UGT2B4: variants seen among roughly 807,000 people sequenced by gnomAD.
UGT2B4 encodes UDP glucuronosyltransferase family 2 member B4, also known as UDP-glucuronosyltransferase 2B4.
Under a neutral mutation model 49.8 loss-of-function variants are expected in UGT2B4, and 49 were observed. The observed-to-expected ratio is 0.98, with a 90% CI of 0.78 to 1.25. UGT2B4 has a LOEUF of 1.25. Ranked by LOEUF, UGT2B4 falls within the 50% of genes most tolerant of loss-of-function variation. The probability of loss-of-function intolerance (pLI) is 0.00; values close to 1 mark genes in which losing one functional copy is unlikely to be tolerated. For missense variants in UGT2B4, 729 were observed against 627.7 expected (o/e 1.16, Z -1.73); for synonymous variants, 246 against 217.7 (o/e 1.13, Z -1.14).
chr4:69,511,666 G>A (rs1728606912), intron 1 of UGT2B4, among the ~76,000 whole-genome samples: 2 of 152,036 alleles, frequency 1.3e-5, no homozygotes. Flanking sequence ...TTTGTTATCA[G>A]TATAATGCTG....
chr4:69,485,523 A>C (rs1177423928), intron 4 of UGT2B4, 96 bp from the exon 5 acceptor site: 1 of 1,510,660 alleles, frequency 6.6e-7, no homozygotes, highest in Non-Finnish European at 9.1e-7. Context: ...CCTAGATAAC[A>C]CACTGAACTG....
At position 69,491,776 on chromosome 4, in the gene UGT2B4, T is replaced by C. The variant is rs1376054257; in HGVS notation, c.870+1917A>G. On this transcript the variant is annotated intron_variant, in intron 2 of 5. Coordinates refer to ENST00000305107, the MANE Select transcript of UGT2B4 (RefSeq NM_021139.3). Reference sequence around the variant, plus strand: ...CCCTTAATGTGAGTGGGGAAATCTTTCAAGAGTAGGATAGGGTGGGACAGA... The same window carrying C: ...CCCTTAATGTGAGTGGGGAAATCTTCCAAGAGTAGGATAGGGTGGGACAGA... Among the ~76,000 whole-genome samples, 5 of 152,228 alleles carry C rather than the reference T, an allele frequency of 3.3e-5. No individual in the cohort carries two copies. The South Asian group carries it at 8.3e-4, about 25-fold the overall frequency.
upstream of UGT2B4, chr4:69,496,069 T>G (rs1577891087): frequency 1.3e-6 from 1 of 745,250 alleles, no homozygotes. Flanking sequence ...AATGTTCTTT[T>G]TGGATTTTTT....
upstream of UGT2B4, among the ~76,000 whole-genome samples, chr4:69,499,830 A>G (rs1173454755): frequency 6.6e-6 from 1 of 152,062 alleles, no homozygotes; most frequent in Non-Finnish European, 1.5e-5. Context: ...GTCATTCAGT[A>G]TTTTTTAATT....
chr4:69,485,687 C>T (rs1217328722), intron 4 of UGT2B4, among the ~76,000 whole-genome samples: 1 of 119,180 alleles, frequency 8.4e-6, no homozygotes, highest in African/African-American at 3.0e-5. Flanking sequence ...GATAAGGAAA[C>T]ATCATGTGCA....
At chr4:69,490,265 C>T (rs1031885836) in intron 2 of UGT2B4, among the ~76,000 whole-genome samples, 3 of 152,096 alleles carry the variant, frequency 2.0e-5, no homozygotes, top group Non-Finnish European at 2.9e-5. Context: ...AATACAGAAT[C>T]GTACAGTATG....
chr4:69,505,327 C>A (rs1728440380), intron 1 of UGT2B4, among the ~76,000 whole-genome samples: 2 of 151,950 alleles, frequency 1.3e-5, no homozygotes, highest in African/African-American at 2.4e-5. Context: ...TTTAAGAAAC[C>A]AATCTCACCT....
intron 4 of UGT2B4, 148 bp downstream of exon 4, chr4:69,486,461 C>T (rs1727787353): frequency 4.5e-6 from 2 of 445,566 alleles, no homozygotes; most frequent in African/African-American, 2.1e-5. Flanking sequence ...ATTCTTTTCC[C>T]CCGGGACTGG....
At chr4:69,519,828 C>T (rs1728806576) in intron 1 of UGT2B4, among the ~76,000 whole-genome samples, 1 of 152,220 alleles carries the variant, frequency 6.6e-6, no homozygotes, top group African/African-American at 2.4e-5. Context: ...ACTGCTTCCT[C>T]TGCCCGTTCA....
Position 69,485,389 on chromosome 4 carries a change from C to T in UGT2B4, c.1129G>A (p.Ala377Thr). The T allele has an allele frequency of 6.2e-7, 1 of 1,613,836 alleles. No homozygotes were observed. Among genetic ancestry groups the T allele is most frequent in the Middle Eastern group, 1.7e-4 (1 of 6,056 alleles). The change falls in exon 5 of 6, where the codon GCC becomes ACC. Residue 377 changes from alanine (A) to threonine (T), a missense_variant. Ala to Thr is a moderately conservative substitution (Grantham distance 58). Coordinates refer to ENST00000305107, the MANE Select transcript of UGT2B4 (RefSeq NM_021139.3). ...KTRAFITHGG[A>T]NGIYEAIYHG... ...TAGATTGCCTCATAGATGCCATTGGCTCCACCATGAGTTATAAAAGCTCTG... is the reference window on the plus strand; with the variant it reads ...TAGATTGCCTCATAGATGCCATTGGTTCCACCATGAGTTATAAAAGCTCTG...
At chr4:69,506,990 T>A (rs2109824945) in intron 1 of UGT2B4, among the ~76,000 whole-genome samples, 1 of 152,304 alleles carries the variant, frequency 6.6e-6, no homozygotes, top group African/African-American at 2.4e-5. Context: ...ATTATCTCAA[T>A]AGATGCAGAA....
chr4:69,499,966 T>C (rs1728258616), upstream of UGT2B4, among the ~76,000 whole-genome samples: 1 of 152,202 alleles, frequency 6.6e-6, no homozygotes, highest in Non-Finnish European at 1.5e-5. Flanking sequence ...TGCTGCACTA[T>C]GCACAATAGC....
At chr4:69,481,909 A>G (rs1727603503) in intron 5 of UGT2B4, among the ~76,000 whole-genome samples, 2 of 152,150 alleles carry the variant, frequency 1.3e-5, no homozygotes, top group African/African-American at 4.8e-5. Flanking sequence ...TTTGAAATAA[A>G]AGTCAGATTG....
intron 3 of UGT2B4, 99 bp downstream of exon 3, chr4:69,489,340 G>T: frequency 6.7e-7 from 1 of 1,495,390 alleles, no homozygotes; most frequent in Non-Finnish European, 9.1e-7. Context: ...TTTCCCAACA[G>T]CTGAATATAT....
intron 2 of UGT2B4, among the ~76,000 whole-genome samples, chr4:69,492,298 C>A (rs1728011271): frequency 6.6e-6 from 1 of 152,010 alleles, no homozygotes. Flanking sequence ...AAGATGTAAA[C>A]CTCTGGGATC....
intron 3 of UGT2B4, 39 bp from the exon 4 acceptor site, chr4:69,486,735 A>G: frequency 6.8e-7 from 1 of 1,459,872 alleles, no homozygotes; most frequent in South Asian, 1.2e-5. Context: ...CATGAGTGGA[A>G]CTCAAAAGTC....
chr4:69,513,934 G>A (rs1429999882), intron 1 of UGT2B4, among the ~76,000 whole-genome samples: 1 of 152,028 alleles, frequency 6.6e-6, no homozygotes, highest in South Asian at 2.1e-4. Flanking sequence ...TATATCCTGA[G>A]CATTTGCTGA....
chr4:69,517,739 TA>T, intron 1 of UGT2B4: 1 of 164,364 alleles, frequency 6.1e-6, no homozygotes. Flanking sequence ...AGCCACAAGT[TA>T]AAAAAGATGG....
At chr4:69,487,363 A>T (rs1056998698) in intron 3 of UGT2B4, among the ~76,000 whole-genome samples, 3 of 152,220 alleles carry the variant, frequency 2.0e-5, no homozygotes, top group Admixed American at 6.5e-5. Context: ...TCAATGATGG[A>T]TTCAATAAAG....
Sources: allele counts gnomAD v4.1 joint callset (sites outside exome capture counted in the v4.1 genomes callset), GRCh38; gene constraint gnomAD v4.1.1; transcripts MANE v1.5; gene names NCBI Gene and HGNC (gene_info 2026-07-23, HGNC 2026-07-21).